The following GPR155 variants were observed in gnomAD, a reference collection of about 807,000 sequenced individuals.
GPR155 encodes lysosomal cholesterol signaling protein.
GPR155 carries 65 observed loss-of-function variants against 93.1 expected under a neutral mutation model. The ratio of observed to expected loss-of-function variants is 0.70; its 90% CI spans 0.57 to 0.86. The LOEUF (loss-of-function observed/expected upper bound fraction) is 0.86, where lower values mean the gene tolerates loss of function less well. Ranked by LOEUF, GPR155 falls within the 40% of genes least tolerant of loss-of-function variation. The pLI, the probability that GPR155 is intolerant of heterozygous loss-of-function variation, is 0.00. For synonymous variants in GPR155, 319 were observed against 360.1 expected, an observed-to-expected ratio of 0.89 and a Z score of 1.29; for missense variants, 838 against 1,034.8, an observed-to-expected ratio of 0.81 and a Z score of 2.61.
chr2:174,483,198 A>G (rs1688379298), intron 1 of GPR155: 1 of 115,092 alleles, frequency 8.7e-6, no homozygotes, highest in South Asian at 3.2e-4. Flanking sequence ...TTTTTTAATG[A>G]ATAACTATAA....
At chr2:174,469,765 T>G (rs903842881) in intron 4 of GPR155, among the ~76,000 whole-genome samples, 10 of 152,160 alleles carry the variant, frequency 6.6e-5, no homozygotes, top group African/African-American at 2.4e-4. Flanking sequence ...AAAAACTGAT[T>G]AAAAAAAGTC....
At chr2:174,446,580 G>A (rs972580801) in intron 12 of GPR155, 31 bp downstream of exon 12, 1 of 1,577,568 alleles carries the variant, frequency 6.3e-7, no homozygotes, top group Admixed American at 1.9e-5. Context: ...TAAAGAAATG[G>A]CCCCAAAACA....
At chr2:174,461,245 T>C (rs1248005062) in intron 9 of GPR155, among the ~76,000 whole-genome samples, 157 bp downstream of exon 9, 2 of 152,250 alleles carry the variant, frequency 1.3e-5, no homozygotes, top group East Asian at 1.9e-4. Context: ...AAAATGTTCA[T>C]GTTCTAGATG....
chr2:174,439,957 A>G lies in GPR155; in HGVS notation c.2253T>C (p.Cys751=). The G allele has an allele frequency of 6.2e-7, 1 of 1,612,524 alleles. No individual in the cohort carries two copies. The highest frequency in any genetic ancestry group is 8.5e-7 in the Non-Finnish European group (1 of 1,178,684). Residue 751 remains cysteine (C), a synonymous_variant, in exon 15 of 16, where the codon TGT becomes TGC. Transcript: ENST00000392552. ...SPVSEEIKMT[C]QQFIHYHRDL... is the part of the protein sequence containing the mutation. The stretch of plus-strand genomic sequence containing the variant: ...CACGGTGATAATGGATAAATTGTTG[A>G]CAGGTCATTTTTATTTCCTCTGAAA...
intron 12 of GPR155, 123 bp downstream of exon 12, chr2:174,446,488 T>A (rs1687134897): frequency 2.6e-6 from 2 of 777,918 alleles, no homozygotes; most frequent in Admixed American, 5.6e-5. Context: ...AGATCCAAAT[T>A]CAGGTGACCT....
rs949038929 is a variant in GPR155, at chr2:174,473,303, T to G, written c.522A>C (p.Pro174=). The change falls in exon 3 of 16, where the codon CCA becomes CCC. Residue 174 remains proline, a synonymous_variant. Transcript: ENST00000392552. ...EYLQYIYLVA[P]ISLMMLNPIG... ...TAGGGTTTAACATCATAAGAGATAT[T>G]GGTGCCACCAAATAAATGTACTGGA... 4.4e-6 allele frequency: 7 copies of G among 1,604,558 alleles called. No individual in the cohort carries two copies. The highest frequency in any genetic ancestry group is 3.4e-6 in the Non-Finnish European group (4 of 1,173,950).
chr2:174,460,200 G>A (rs921377756), intron 9 of GPR155, 112 bp from the exon 10 acceptor site: 31 of 667,136 alleles, frequency 4.6e-5, no homozygotes, highest in African/African-American at 1.9e-4. Context: ...TTGCTCTGTC[G>A]CCCAGGCTGG....
rs909500004 is a variant in GPR155 at position 174,434,017 on chromosome 2, G to A, written c.*2099C>T. 1.3e-5 allele frequency: 2 copies of A among 150,234 alleles called. No individual in the cohort carries two copies. Among genetic ancestry groups the A allele is most frequent in the Admixed American group, 6.6e-5 (1 of 15,056 alleles). The allele number at this position is 150,234 out of a possible 1,614,324, so 9.3% of individuals were successfully genotyped here. A position where few individuals can be genotyped will look rare whatever the true frequency, so the allele number is the denominator to read the frequency against. On this transcript the variant is annotated 3_prime_UTR_variant, in exon 16 of 16. Transcript: ENST00000392552. ...ACTCTGACACTCAGGCTGGAGTGCAGTGGCACGATCTCAGCTCACTGCAAC... is the reference window on the plus strand; with the variant it reads ...ACTCTGACACTCAGGCTGGAGTGCAATGGCACGATCTCAGCTCACTGCAAC...
At chr2:174,439,320 G>A (rs10195555) in intron 15 of GPR155, among the ~76,000 whole-genome samples, 61,420 of 151,768 alleles carry the variant, frequency 0.4, 12,842 homozygotes, top group African/African-American at 0.45. Flanking sequence ...ATAATTTCCT[G>A]CTGTATACTT....
At chr2:174,464,485 G>A (rs1450043) in intron 7 of GPR155, among the ~76,000 whole-genome samples, 13,714 of 152,018 alleles carry the variant, frequency 0.09, 728 homozygotes, top group South Asian at 0.13. Flanking sequence ...ACATTTTCAG[G>A]TCTAAAATTC....
intron 9 of GPR155, among the ~76,000 whole-genome samples, chr2:174,461,030 G>T (rs1687676870): frequency 6.9e-6 from 1 of 143,972 alleles, no homozygotes; most frequent in Non-Finnish European, 1.6e-5. Flanking sequence ...ATTTTTCCTA[G>T]ATACGTTTTG....
Position 174,473,280 on chromosome 2 carries a change from G to T in GPR155, c.545C>A (p.Pro182His). ...VAPISLMMLN[P>H]IGFIFCEIQK... Reference sequence around the variant, plus strand: ...GATTTCACAGAAAATAAACCCTATAGGGTTTAACATCATAAGAGATATTGG... The same window carrying T: ...GATTTCACAGAAAATAAACCCTATATGGTTTAACATCATAAGAGATATTGG... Residue 182 changes from proline to histidine, a missense_variant, in exon 3 of 16, where the codon CCT (proline) becomes CAT (histidine). Around this residue, in one of 3 missense-constraint regions of GPR155, gnomAD observed 663 missense variants for 790.1 expected, o/e 0.84. Transcript: ENST00000392552. 2 of 1,609,158 alleles carry T rather than the reference G, an allele frequency of 1.2e-6. No homozygotes were observed. The highest frequency in any genetic ancestry group is 8.5e-7 in the Non-Finnish European group (1 of 1,175,976).
chr2:174,472,908 T>C (rs1688036909), intron 3 of GPR155, 57 bp downstream of exon 3: 2 of 1,389,386 alleles, frequency 1.4e-6, no homozygotes, highest in Non-Finnish European at 2.0e-6. Context: ...CCCTGATGAA[T>C]TGGCTAAATA....
intron 13 of GPR155, 101 bp from the exon 14 acceptor site, chr2:174,442,284 C>T (rs1244133349): frequency 1.5e-6 from 1 of 679,884 alleles, no homozygotes; most frequent in Non-Finnish European, 2.7e-6. Flanking sequence ...AGGAGACAAA[C>T]CTATAGTGAC....
chr2:174,447,901 G>A (rs891874420), intron 11 of GPR155, among the ~76,000 whole-genome samples: 12 of 150,158 alleles, frequency 8.0e-5, no homozygotes, highest in East Asian at 1.9e-4. Flanking sequence ...TTTAAAGGCC[G>A]AATTAATAAC....
chr2:174,444,415 CA>C (rs58572270), intron 13 of GPR155, among the ~76,000 whole-genome samples: 30,886 of 85,474 alleles, frequency 0.36, 3,841 homozygotes, highest in Middle Eastern at 0.53. Context: ...AACTCCGTCT[CA>C]AAAAAAAAAA....
At chr2:174,459,706 A>G (rs1465436384) in intron 10 of GPR155, among the ~76,000 whole-genome samples, 172 bp downstream of exon 10, 1 of 152,188 alleles carries the variant, frequency 6.6e-6, no homozygotes, top group Non-Finnish European at 1.5e-5. Flanking sequence ...TTAGCAGGGC[A>G]TGGTGGCAGG....
At chr2:174,465,069 T>C (rs1293716030) in intron 7 of GPR155, among the ~76,000 whole-genome samples, 1 of 152,216 alleles carries the variant, frequency 6.6e-6, no homozygotes, top group Non-Finnish European at 1.5e-5. Flanking sequence ...AATGCATGCA[T>C]CCACATAAAT....
rs1687075789 is a variant in GPR155, at chr2:174,444,990, A to G, written c.2109+91T>C. The G allele has an allele frequency of 5.9e-6, 4 of 672,450 alleles. No individual in the cohort carries two copies. The Admixed American group carries it at 1.0e-4, about 17-fold the overall frequency. The allele number at this position is 672,450 out of a possible 1,614,324, so 41.7% of individuals were successfully genotyped here. ...TCCTTTTTATGTGAAAGAAAACAAC[A>G]TCCTAATCCACTCCCCGCTTCCCCC... On this transcript the variant is annotated intron_variant, in intron 13 of 15. Coordinates refer to ENST00000392552, the MANE Select transcript of GPR155 (RefSeq NM_152529.7).
Sources: gnomAD v4.1 joint callset for allele counts (sites outside exome capture counted in the v4.1 genomes callset) on GRCh38, gnomAD v4.1.1 for gene constraint, gnomAD v4.1.1 regional missense constraint, MANE v1.5 for transcripts, NCBI Gene and HGNC (gene_info 2026-07-23, HGNC 2026-07-21) for gene names.